The following NALF1 variants were observed in gnomAD, a reference collection of about 807,000 sequenced individuals.
The protein encoded by NALF1 is NALCN channel auxiliary factor 1, also known as family with sequence similarity 155 member A.
A neutral mutation model predicts 48.4 loss-of-function variants in NALF1; 3 were observed. The ratio of observed to expected loss-of-function variants is 0.06; its 90% CI spans 0.03 to 0.16. The LOEUF (loss-of-function observed/expected upper bound fraction) is 0.16. NALF1 is among the 10% of genes least tolerant of loss of function. The probability of loss-of-function intolerance (pLI) is 1.00; values close to 1 mark genes in which losing one functional copy is unlikely to be tolerated. For synonymous variants in NALF1, 262 were observed against 245.7 expected (o/e 1.07, Z -0.62); for missense variants, 526 against 571.5 (o/e 0.92, Z 0.81).
intron 2 of NALF1, among the ~76,000 whole-genome samples, chr13:107,193,718 G>C (rs1879328229): frequency 6.6e-6 from 1 of 152,124 alleles, no homozygotes; most frequent in Admixed American, 6.5e-5. Flanking sequence ...CCCAAGTCAA[G>C]ACATGAGACT....
At chr13:107,701,807 A>G (rs893557936) in intron 1 of NALF1, among the ~76,000 whole-genome samples, 5 of 152,212 alleles carry the variant, frequency 3.3e-5, no homozygotes, top group Non-Finnish European at 7.3e-5. Flanking sequence ...CCATTTAACT[A>G]TATATAATTA....
chr13:107,764,621 T>C (rs1396299471), intron 1 of NALF1, among the ~76,000 whole-genome samples: 3 of 152,146 alleles, frequency 2.0e-5, no homozygotes, highest in Non-Finnish European at 4.4e-5. Context: ...CACATACAAA[T>C]TCCTGGGACT....
chr13:107,633,880 GTA>G (rs201973204), intron 1 of NALF1, among the ~76,000 whole-genome samples: 17 of 142,376 alleles, frequency 1.2e-4, no homozygotes, highest in Non-Finnish European at 1.4e-4. Context: ...ATGTGTGTGT[GTA>G]TATATATATA....
chr13:107,374,678 T>C (rs2138968071), intron 1 of NALF1, among the ~76,000 whole-genome samples: 1 of 152,208 alleles, frequency 6.6e-6, no homozygotes, highest in Admixed American at 6.5e-5. Flanking sequence ...GCAACAGTGT[T>C]GGGAGGCGGG....
At chr13:107,258,176 AT>A (rs1429469854) in intron 1 of NALF1, among the ~76,000 whole-genome samples, 5 of 152,208 alleles carry the variant, frequency 3.3e-5, no homozygotes, top group Non-Finnish European at 7.3e-5. Flanking sequence ...CTTATTGGTC[AT>A]CTCCATACAT....
chr13:107,731,845 A>G (rs1030372272), intron 1 of NALF1, among the ~76,000 whole-genome samples: 13 of 152,168 alleles, frequency 8.5e-5, no homozygotes, highest in African/African-American at 3.1e-4. Flanking sequence ...GCTATTGGAT[A>G]ATCCACACAT....
intron 1 of NALF1, among the ~76,000 whole-genome samples, chr13:107,400,279 C>A (rs1371895295): frequency 6.6e-6 from 1 of 152,058 alleles, no homozygotes; most frequent in Non-Finnish European, 1.5e-5. Context: ...AGGTGATTAA[C>A]TTGGTGGTTA....
chr13:107,605,790 T>C (rs749663513), intron 1 of NALF1, among the ~76,000 whole-genome samples: 5 of 152,218 alleles, frequency 3.3e-5, no homozygotes, highest in Non-Finnish European at 7.3e-5. Context: ...ACATCCTCTC[T>C]GTACAGTGAA....
chr13:107,436,902 A>G (rs1884471897), intron 1 of NALF1, among the ~76,000 whole-genome samples: 1 of 152,196 alleles, frequency 6.6e-6, no homozygotes, highest in Non-Finnish European at 1.5e-5. Flanking sequence ...TGTTTTATGT[A>G]CTAACAATAT....
chr13:107,850,495 G>A (rs1880281300), intron 1 of NALF1, among the ~76,000 whole-genome samples: 1 of 152,162 alleles, frequency 6.6e-6, no homozygotes, highest in African/African-American at 2.4e-5. Context: ...CCGAATCATG[G>A]CCATTAGGGA....
intron 1 of NALF1, among the ~76,000 whole-genome samples, chr13:107,253,002 AT>A (rs992358362): frequency 2.6e-5 from 4 of 152,132 alleles, no homozygotes; most frequent in African/African-American, 9.7e-5. Flanking sequence ...AAAATAACAC[AT>A]TTTCTTTTTA....
intron 1 of NALF1, among the ~76,000 whole-genome samples, chr13:107,540,175 T>C (rs1398043530): frequency 6.6e-6 from 1 of 152,086 alleles, no homozygotes; most frequent in Non-Finnish European, 1.5e-5. Context: ...ATGCTCTTTA[T>C]ACCTTTGATG....
At chr13:107,653,141 T>C (rs538259297) in intron 1 of NALF1, among the ~76,000 whole-genome samples, 1 of 152,172 alleles carries the variant, frequency 6.6e-6, no homozygotes, top group African/African-American at 2.4e-5. Context: ...TTTTAAGTAT[T>C]TGTAAGAACA....
chr13:107,408,482 G>A (rs548941250), intron 1 of NALF1, among the ~76,000 whole-genome samples: 1 of 151,890 alleles, frequency 6.6e-6, no homozygotes, highest in Non-Finnish European at 1.5e-5. Context: ...GCCATTAGAA[G>A]ATATTTACGA....
At chr13:107,615,065 C>T (rs931699614) in intron 1 of NALF1, among the ~76,000 whole-genome samples, 1 of 152,162 alleles carries the variant, frequency 6.6e-6, no homozygotes, top group Non-Finnish European at 1.5e-5. Flanking sequence ...GTATGAGCCA[C>T]TGTGCCTCGC....
intron 2 of NALF1, among the ~76,000 whole-genome samples, chr13:107,209,010 T>C (rs1879703039): frequency 6.6e-6 from 1 of 152,226 alleles, no homozygotes; most frequent in South Asian, 2.1e-4. Context: ...CGGCTATGGC[T>C]GGTCAATGAC....
intron 1 of NALF1, among the ~76,000 whole-genome samples, chr13:107,414,785 T>A (rs538168637): frequency 6.6e-6 from 1 of 151,220 alleles, no homozygotes; most frequent in East Asian, 1.9e-4. Context: ...ATGAAGTTTC[T>A]GTAAAATTAC....
intron 1 of NALF1, among the ~76,000 whole-genome samples, chr13:107,794,057 T>G (rs568385793): frequency 6.6e-6 from 1 of 152,292 alleles, no homozygotes; most frequent in African/African-American, 2.4e-5. Flanking sequence ...AATTTCACTG[T>G]TTTAAAATAT....
At chr13:107,309,477 G>A (rs144136818) in intron 1 of NALF1, among the ~76,000 whole-genome samples, 1 of 152,262 alleles carries the variant, frequency 6.6e-6, no homozygotes, top group East Asian at 1.9e-4. Flanking sequence ...TCATACACAG[G>A]CAAGAAAAGT....
Sources: allele counts gnomAD v4.1 joint callset (sites outside exome capture counted in the v4.1 genomes callset), GRCh38; gene constraint gnomAD v4.1.1; transcripts MANE v1.5; gene names NCBI Gene and HGNC (gene_info 2026-07-23, HGNC 2026-07-21).